TNFAIP8L3: variants seen among roughly 807,000 people sequenced by gnomAD.
TNFAIP8L3 encodes the protein TNF alpha induced protein 8 like 3.
Under a neutral mutation model 11.8 loss-of-function variants are expected in TNFAIP8L3, and 7 were observed. That is an observed-to-expected ratio of 0.59 (90% CI 0.34 to 1.11). TNFAIP8L3 has a LOEUF of 1.11. TNFAIP8L3 is among the 50% of genes most tolerant of loss of function. The pLI, the probability that TNFAIP8L3 is intolerant of heterozygous loss-of-function variation, is 0.03. For missense variants in TNFAIP8L3, 219 were observed against 258.6 expected (o/e 0.85, Z 1.05); for synonymous variants, 98 against 103.8 (o/e 0.94, Z 0.34).
chr15:51,105,272 C>A (rs2065582539), exon 1 of TNFAIP8L3: 1 of 1,342,912 alleles, frequency 7.4e-7, no homozygotes, highest in South Asian at 1.4e-5. Context: ...GTAAGACTAG[C>A]AAGTCAGTTT....
chr15:51,092,007 C>CACT (rs1362736493), intron 1 of TNFAIP8L3, among the ~76,000 whole-genome samples: 15 of 152,182 alleles, frequency 9.9e-5, no homozygotes, highest in Admixed American at 2.0e-4. Context: ...CTGTTATCCT[C>CACT]ATTTTACAGA....
At chr15:51,080,417 T>A (rs1223605521) in intron 1 of TNFAIP8L3, among the ~76,000 whole-genome samples, 1 of 152,210 alleles carries the variant, frequency 6.6e-6, no homozygotes, top group East Asian at 1.9e-4. Context: ...TTCCACTTTT[T>A]TTTTTTCTTG....
At chr15:51,087,874 G>C (rs1330512055) in intron 1 of TNFAIP8L3, among the ~76,000 whole-genome samples, 3 of 137,142 alleles carry the variant, frequency 2.2e-5, no homozygotes, top group South Asian at 4.8e-4. Context: ...TGCCTAAAAA[G>C]AACATTTCTG....
At chr15:51,078,039 G>C (rs944835842) in intron 1 of TNFAIP8L3, among the ~76,000 whole-genome samples, 8 of 152,170 alleles carry the variant, frequency 5.3e-5, no homozygotes, top group African/African-American at 1.9e-4. Context: ...GTTCACCGTG[G>C]CGTCCCTGAC....
At chr15:51,059,731 C>A (rs1421244208) in intron 1 of TNFAIP8L3, among the ~76,000 whole-genome samples, 4 of 152,214 alleles carry the variant, frequency 2.6e-5, no homozygotes, top group Non-Finnish European at 4.4e-5. Flanking sequence ...CTAAGAAAAA[C>A]CAATATTCCT....
chr15:51,080,465 T>C (rs942004286), intron 1 of TNFAIP8L3, among the ~76,000 whole-genome samples: 1 of 152,118 alleles, frequency 6.6e-6, no homozygotes, highest in African/African-American at 2.4e-5. Context: ...CCAACTCAAG[T>C]CTGGGCATGT....
chr15:51,066,853 T>C (rs1424517810), intron 1 of TNFAIP8L3, among the ~76,000 whole-genome samples: 1 of 152,188 alleles, frequency 6.6e-6, no homozygotes. Flanking sequence ...CCAGAGAGAC[T>C]CATTGAGTTG....
At chr15:51,102,147 C>T (rs747402768) in intron 1 of TNFAIP8L3, among the ~76,000 whole-genome samples, 8 of 152,036 alleles carry the variant, frequency 5.3e-5, no homozygotes, top group South Asian at 2.1e-4. Flanking sequence ...GAAACTGAGA[C>T]ATGGAAAGGA....
At position 51,104,958 on chromosome 15, in the gene TNFAIP8L3, C is replaced by T. The variant is rs1185504420; in HGVS notation, c.172+47G>A. The T allele has an allele frequency of 1.9e-6, 3 of 1,612,826 alleles. No individual in the cohort carries two copies. In the Admixed American group the frequency reaches 5.0e-5, roughly 27 times the overall value. ...ACCTTGCATGCTTTGCACAAGCCTCCCCGCCCCTATACTTCCTTCTCTGCC... is the reference window on the plus strand; with the variant it reads ...ACCTTGCATGCTTTGCACAAGCCTCTCCGCCCCTATACTTCCTTCTCTGCC... On this transcript the variant is annotated intron_variant, in intron 1 of 2. Coordinates refer to the TNFAIP8L3 transcript ENST00000327536.
chr15:51,092,227 T>A (rs11854175), intron 1 of TNFAIP8L3, among the ~76,000 whole-genome samples: 32,137 of 152,136 alleles, frequency 0.21, 3,522 homozygotes, highest in East Asian at 0.4. Flanking sequence ...CACACACATA[T>A]AAGTACTCCA....
upstream of TNFAIP8L3, among the ~76,000 whole-genome samples, chr15:51,096,723 C>G (rs561168078): frequency 3.3e-5 from 5 of 151,926 alleles, no homozygotes; most frequent in East Asian, 9.7e-4. Flanking sequence ...GAAACTCTGT[C>G]TCGACTAAAA....
chr15:51,082,724 T>C (rs2065401080), intron 1 of TNFAIP8L3, among the ~76,000 whole-genome samples: 1 of 152,310 alleles, frequency 6.6e-6, no homozygotes, highest in African/African-American at 2.4e-5. Flanking sequence ...TAAGCTTTTT[T>C]CTATTAATTT....
chr15:51,086,230 C>A (rs1179671122), intron 1 of TNFAIP8L3, among the ~76,000 whole-genome samples: 2 of 152,230 alleles, frequency 1.3e-5, no homozygotes, highest in Non-Finnish European at 2.9e-5. Flanking sequence ...TCCTCTCTCA[C>A]CAGGCCCATG....
chr15:51,084,999 T>C (rs755822009), intron 1 of TNFAIP8L3, among the ~76,000 whole-genome samples: 4 of 152,056 alleles, frequency 2.6e-5, no homozygotes, highest in Admixed American at 6.6e-5. Flanking sequence ...ACAGAGAAGT[T>C]AGAAACAAAG....
At chr15:51,065,107 T>C (rs1038883839) in intron 1 of TNFAIP8L3, among the ~76,000 whole-genome samples, 1 of 152,188 alleles carries the variant, frequency 6.6e-6, no homozygotes, top group South Asian at 2.1e-4. Flanking sequence ...GACATAAAAA[T>C]GTGATTATGT....
At position 51,094,670 on chromosome 15, in the gene TNFAIP8L3, G is replaced by A. The variant is rs768971169; in HGVS notation, c.-75C>T. On this transcript the variant is annotated 5_prime_UTR_variant, in exon 1 of 2. Transcript: ENST00000637513. The surrounding 1 kb of genome is among the most constrained non-coding windows in gnomAD (Gnocchi z 4.4). Reference sequence around the variant, plus strand: ...CGCTCGGGCAGCCGCGGCGCACTCAGGGCGGACAGCGGGGCGGCTGGAGCC... The same window carrying A: ...CGCTCGGGCAGCCGCGGCGCACTCAAGGCGGACAGCGGGGCGGCTGGAGCC... The A allele has an allele frequency of 2.4e-6, 3 of 1,251,966 alleles. No homozygotes were observed. The highest frequency in any genetic ancestry group is 3.0e-6 in the Non-Finnish European group (3 of 1,001,576). 77.6% of individuals were successfully genotyped at this position (1,251,966 alleles called of 1,614,324 possible). A position where few individuals can be genotyped will look rare whatever the true frequency, so the allele number is the denominator to read the frequency against.
chr15:51,076,348 T>C (rs754058142), intron 1 of TNFAIP8L3, among the ~76,000 whole-genome samples: 8 of 152,100 alleles, frequency 5.3e-5, no homozygotes, highest in Non-Finnish European at 1.0e-4. Flanking sequence ...CCACTCTGAG[T>C]CCAGGGGGAA....
At chr15:51,070,820 G>GCGGATCACGAGGTCAGGAGAT (rs1241304563) in intron 1 of TNFAIP8L3, among the ~76,000 whole-genome samples, 1 of 151,630 alleles carries the variant, frequency 6.6e-6, no homozygotes, top group Non-Finnish European at 1.5e-5. Flanking sequence ...GCCAAGGCGG[G>GCGGATCACGAGGTCAGGAGAT]CGGATCACGA....
chr15:51,077,402 C>T (rs1299355338), intron 1 of TNFAIP8L3, among the ~76,000 whole-genome samples: 1 of 152,222 alleles, frequency 6.6e-6, no homozygotes, highest in Admixed American at 6.5e-5. Context: ...TCCCAGCTGC[C>T]CCGCCTGTCT....
Sources: allele counts gnomAD v4.1 joint callset (sites outside exome capture counted in the v4.1 genomes callset), GRCh38; gene constraint gnomAD v4.1.1; non-coding constraint Gnocchi (gnomAD v3.1); transcripts MANE v1.5; gene names NCBI Gene and HGNC (gene_info 2026-07-23, HGNC 2026-07-21).